NCALD: variants seen among roughly 807,000 people sequenced by gnomAD.
The protein encoded by NCALD is neurocalcin delta, also known as neurocalcin-delta.
NCALD carries 10 observed loss-of-function variants against 18.6 expected under a neutral mutation model. The observed-to-expected ratio is 0.54, with a 90% CI of 0.33 to 0.91. The LOEUF (loss-of-function observed/expected upper bound fraction) is 0.91, where lower values mean the gene tolerates loss of function less well. Ranked by LOEUF, NCALD falls within the 40% of genes least tolerant of loss-of-function variation. The pLI, the probability that NCALD is intolerant of heterozygous loss-of-function variation, is 0.03. For missense variants in NCALD, 184 were observed against 247.6 expected (o/e 0.74, Z 1.72); for synonymous variants, 88 against 87.4 (o/e 1.01, Z -0.04).
At chr8:102,093,463 C>G (rs553595194) in intron 1 of NCALD, among the ~76,000 whole-genome samples, 1 of 152,252 alleles carries the variant, frequency 6.6e-6, no homozygotes, top group African/African-American at 2.4e-5. Context: ...ATTCCCTCAG[C>G]TTTCCTTAAA....
chr8:101,756,175 G>T (rs1202207891), intron 1 of NCALD, among the ~76,000 whole-genome samples: 2 of 151,878 alleles, frequency 1.3e-5, no homozygotes, highest in Admixed American at 6.6e-5. Flanking sequence ...TGGCTCCATT[G>T]TCTATGGAGA....
intron 2 of NCALD, among the ~76,000 whole-genome samples, chr8:101,972,975 C>A (rs1463861116): frequency 2.0e-5 from 3 of 152,096 alleles, no homozygotes; most frequent in East Asian, 1.9e-4. Flanking sequence ...AAACAAAGAG[C>A]CCCTAAAGTG....
At chr8:102,119,685 C>T (rs1259066265) in intron 1 of NCALD, among the ~76,000 whole-genome samples, 1 of 152,142 alleles carries the variant, frequency 6.6e-6, no homozygotes, top group Non-Finnish European at 1.5e-5. Flanking sequence ...AATGCAAGAC[C>T]ACCATCCCCA....
intron 2 of NCALD, among the ~76,000 whole-genome samples, chr8:102,019,751 T>C (rs1361189845): frequency 2.0e-5 from 3 of 152,094 alleles, no homozygotes; most frequent in South Asian, 2.1e-4. Context: ...ATCTCAGCAA[T>C]GCAAGGTAGC....
intron 2 of NCALD, among the ~76,000 whole-genome samples, chr8:102,011,402 G>A (rs1307449190): frequency 2.0e-5 from 3 of 152,012 alleles, no homozygotes; most frequent in Non-Finnish European, 4.4e-5. Context: ...AGATCCCTTC[G>A]AGGAAGTCAC....
At chr8:102,114,493 A>G (rs1002255709) in intron 1 of NCALD, among the ~76,000 whole-genome samples, 5 of 152,208 alleles carry the variant, frequency 3.3e-5, no homozygotes, top group Non-Finnish European at 7.4e-5. Flanking sequence ...GCAGGACTCT[A>G]AGGCTAGTAA....
intron 1 of NCALD, among the ~76,000 whole-genome samples, chr8:102,038,812 T>C (rs1435735751): frequency 6.6e-6 from 1 of 152,086 alleles, no homozygotes; most frequent in Admixed American, 6.6e-5. Flanking sequence ...GTAAGAATGA[T>C]AGGATGGTCA....
intron 3 of NCALD, among the ~76,000 whole-genome samples, chr8:101,890,082 C>G (rs1390457387): frequency 1.3e-5 from 2 of 151,990 alleles, no homozygotes; most frequent in Non-Finnish European, 2.9e-5. Flanking sequence ...AAAACACAAG[C>G]CAATATGTGA....
chr8:101,848,915 G>A (rs1170958148), intron 4 of NCALD, among the ~76,000 whole-genome samples: 1 of 152,108 alleles, frequency 6.6e-6, no homozygotes. Context: ...GCACACGTAT[G>A]TTCATTGCAG....
chr8:101,689,162 G>A lies in NCALD; in HGVS notation c.*147C>T. 2 of 757,570 alleles carry A rather than the reference G, an allele frequency of 2.6e-6. No homozygotes were observed. The highest frequency in any genetic ancestry group is 4.6e-6 in the Non-Finnish European group (2 of 431,966). The allele number at this position is 757,570 out of a possible 1,614,324, so 46.9% of individuals were successfully genotyped here. Reference sequence around the variant, plus strand: ...CGAAGCATCCACGACAAAAGAAGCTGAAGGCGTCACGGAGGAAGGCGCATC... The same window carrying A: ...CGAAGCATCCACGACAAAAGAAGCTAAAGGCGTCACGGAGGAAGGCGCATC... On this transcript the variant is annotated 3_prime_UTR_variant, in exon 4 of 4. Transcript: ENST00000220931. The surrounding 1 kb of genome is among the most constrained non-coding windows in gnomAD (Gnocchi z 4.4).
At chr8:101,902,528 G>A (rs1344869458) in intron 3 of NCALD, among the ~76,000 whole-genome samples, 2 of 152,178 alleles carry the variant, frequency 1.3e-5, no homozygotes, top group Non-Finnish European at 2.9e-5. Context: ...TTCCTCTACA[G>A]AGCAATGTGG....
intron 2 of NCALD, among the ~76,000 whole-genome samples, chr8:101,712,674 G>C (rs1289694387): frequency 7.0e-6 from 1 of 142,624 alleles, no homozygotes; most frequent in East Asian, 2.1e-4. Context: ...GATCAAAAAA[G>C]ACAAAGAAGG....
chr8:101,898,925 A>G (rs73280880), intron 3 of NCALD, among the ~76,000 whole-genome samples: 10,335 of 152,092 alleles, frequency 0.068, 726 homozygotes, highest in African/African-American at 0.18. Context: ...TTCTTGTTGG[A>G]ATTTTTATAA....
intron 4 of NCALD, among the ~76,000 whole-genome samples, chr8:101,875,537 ATTG>A (rs982037268): frequency 6.6e-6 from 1 of 151,928 alleles, no homozygotes; most frequent in African/African-American, 2.4e-5. Context: ...TTCCATGACC[ATTG>A]TGGTCTGTCT....
At chr8:102,020,288 C>T (rs1215916812) in exon 2 of NCALD, 5 of 152,038 alleles carry the variant, frequency 3.3e-5, no homozygotes, top group Non-Finnish European at 5.9e-5. Context: ...GAAGAAATCA[C>T]TCTGTCAAAA....
chr8:101,968,558 T>A (rs1046028545), intron 2 of NCALD, among the ~76,000 whole-genome samples: 12 of 152,160 alleles, frequency 7.9e-5, no homozygotes, highest in Admixed American at 7.9e-4. Flanking sequence ...TTTTTATCCC[T>A]AAGATGGGTC....
At chr8:101,720,217 C>T (rs183319212) in intron 1 of NCALD, among the ~76,000 whole-genome samples, 45 of 152,322 alleles carry the variant, frequency 3.0e-4, no homozygotes, top group Non-Finnish European at 8.8e-5. Flanking sequence ...TACCACCAAA[C>T]TCCAACATGC....
intron 4 of NCALD, chr8:101,872,013 G>C (rs1435214961): frequency 1.0e-6 from 1 of 993,678 alleles, no homozygotes; most frequent in East Asian, 2.4e-5. Context: ...CCAGAGGACC[G>C]ATCAACTGAG....
intron 2 of NCALD, among the ~76,000 whole-genome samples, chr8:101,968,176 A>G (rs1297865212): frequency 3.3e-5 from 5 of 152,282 alleles, no homozygotes; most frequent in African/African-American, 4.8e-5. Flanking sequence ...GTCGGTAGGT[A>G]TTGGCTTTAT....
Sources: gnomAD v4.1 joint callset for allele counts (sites outside exome capture counted in the v4.1 genomes callset) on GRCh38, gnomAD v4.1.1 for gene constraint, Gnocchi (gnomAD v3.1) non-coding constraint, MANE v1.5 for transcripts, NCBI Gene and HGNC (gene_info 2026-07-23, HGNC 2026-07-21) for gene names.